Variants in PRDM4 observed in about 807,000 individuals in gnomAD.
PRDM4 encodes the protein PR/SET domain 4, also known as PR domain zinc finger protein 4.
In PRDM4, 38 loss-of-function variants were observed where a neutral mutation model predicts 62.3. That is an observed-to-expected ratio of 0.61 (90% CI 0.47 to 0.80). The LOEUF (loss-of-function observed/expected upper bound fraction) is 0.80. Ranked by LOEUF, PRDM4 falls within the 30% of genes least tolerant of loss-of-function variation. The pLI is 0.00. For synonymous variants in PRDM4, 339 were observed against 348.2 expected (o/e 0.97, Z 0.30); for missense variants, 858 against 997.1 (o/e 0.86, Z 1.88).
At chr12:107,751,272 A>G in intron 5 of PRDM4, 143 bp downstream of exon 5, 1 of 810,692 alleles carries the variant, frequency 1.2e-6, no homozygotes. Context: ...CATTAATATA[A>G]AGGACAATAC....
rs1890572706 is a variant in PRDM4 at position 107,743,088 on chromosome 12, C to A, written c.1481+109G>T. The A allele has an allele frequency of 9.1e-6, 8 of 878,678 alleles. No homozygotes were observed. The South Asian group carries it at 9.5e-5, about 10-fold the overall frequency. The allele number at this position is 878,678 out of a possible 1,614,324, so 54.4% of individuals were successfully genotyped here. ...GGCTGCCTTGGGCTTTAAGTATGTC[C>A]AGGTGTTGGTGTAATTTGGATTCTT... On this transcript the variant is annotated intron_variant, in intron 8 of 11. Coordinates refer to ENST00000228437, the MANE Select transcript of PRDM4 (RefSeq NM_012406.4).
rs777645035 is a variant in PRDM4, at chr12:107,734,486, C to G, written c.2130G>C (p.Leu710=). The change falls in exon 12 of 12, where the codon CTG becomes CTC. Residue 710 remains leucine, a synonymous_variant. Transcript: ENST00000228437. ...RQIKCPKCDK[L]FLRTNHLKKH... ...TCTTTAAGTGATTTGTTCTCAAGAA[C>G]AGCTTATCACACTTGGGACACTTGA... The G allele has an allele frequency of 6.2e-7, 1 of 1,614,054 alleles. No homozygotes were observed. The highest frequency in any genetic ancestry group is 8.5e-7 in the Non-Finnish European group (1 of 1,179,920).
At chr12:107,751,352 C>A in intron 5 of PRDM4, 63 bp downstream of exon 5, 2 of 1,487,864 alleles carry the variant, frequency 1.3e-6, no homozygotes, top group East Asian at 2.3e-5. Flanking sequence ...TACGACTTAA[C>A]TTGTTAGGGA....
intron 6 of PRDM4, among the ~76,000 whole-genome samples, chr12:107,746,043 T>C (rs987752764): frequency 2.0e-5 from 3 of 152,250 alleles, no homozygotes; most frequent in Non-Finnish European, 2.9e-5. Context: ...CTAGGATTTT[T>C]TGCTTTACTC....
intron 2 of PRDM4, 114 bp from the exon 3 acceptor site, chr12:107,757,079 T>C: frequency 9.6e-7 from 1 of 1,038,698 alleles, no homozygotes; most frequent in Non-Finnish European, 1.4e-6. Context: ...GGCCAACTAT[T>C]AGTTCACTTT....
At chr12:107,749,071 C>T (rs920160938) in intron 5 of PRDM4, among the ~76,000 whole-genome samples, 2 of 152,122 alleles carry the variant, frequency 1.3e-5, no homozygotes, top group African/African-American at 4.8e-5. Context: ...TTGATGCTCC[C>T]GTTGAGTCTA....
rs762901658 is a variant in PRDM4, at chr12:107,740,980, G to A, written c.1890C>T (p.Pro630=). ...TCTTGAGGTGGGTCCGCAGGTTGCT[G>A]GGATCACTAAAAGCCTTGCTACAGA... ...CDFCSKAFSD[P]SNLRTHLKIH... is the part of the protein sequence containing the mutation. Residue 630 remains proline, a synonymous_variant, in exon 10 of 12, where the codon CCC becomes CCT. Transcript: ENST00000228437. 1 of 1,614,078 alleles carries A rather than the reference G, an allele frequency of 6.2e-7. No homozygotes were observed. The highest frequency in any genetic ancestry group is 8.5e-7 in the Non-Finnish European group (1 of 1,179,972).
rs1429667637 is a variant in PRDM4, at chr12:107,734,218, G to A, written c.2398C>T (p.His800Tyr). ...GCTTGTTTCTTTTCCTTTTATTTAT[G>A]TGCAGAAAGAGACTCATCCGCTGAA... ...VYSADESLSAHK is the reference protein window; with the variant it reads ...VYSADESLSAYK The change falls in exon 12 of 12, where the codon CAT (histidine) becomes TAT (tyrosine). Residue 800 changes from histidine (H) to tyrosine (Y), a missense_variant. This residue lies in a region of PRDM4 where 355 missense variants were observed against 432.6 expected (regional missense o/e 0.82). Coordinates refer to ENST00000228437, the MANE Select transcript of PRDM4 (RefSeq NM_012406.4). 2.5e-6 allele frequency: 4 copies of A among 1,583,102 alleles called. No homozygotes were observed. The highest frequency in any genetic ancestry group is 2.6e-6 in the Non-Finnish European group (3 of 1,166,692).
rs887653524 is a variant in PRDM4, at chr12:107,733,847, C to T, written c.*363G>A. ...TTTAGAATGTTACCAAGTCACAGGACCAGCAGGAAAATGGAATAATGGAAG... is the reference window on the plus strand; with the variant it reads ...TTTAGAATGTTACCAAGTCACAGGATCAGCAGGAAAATGGAATAATGGAAG... On this transcript the variant is annotated 3_prime_UTR_variant, in exon 12 of 12. Coordinates refer to ENST00000228437, the MANE Select transcript of PRDM4 (RefSeq NM_012406.4). 4.4e-6 allele frequency: 1 copy of T among 225,660 alleles called. No homozygotes were observed. The highest frequency in any genetic ancestry group is 5.3e-5 in the Admixed American group (1 of 19,010). The allele number at this position is 225,660 out of a possible 1,614,324, so 14.0% of individuals were successfully genotyped here.
rs150983199 is a variant in PRDM4, at chr12:107,747,491, G to T, written c.1127-1067C>A. ...CAGCCTGCTCTTTCAAAGGGCAGAAGAATTGTATTCTTGCAGACATTATTT... is the reference window on the plus strand; with the variant it reads ...CAGCCTGCTCTTTCAAAGGGCAGAATAATTGTATTCTTGCAGACATTATTT... On this transcript the variant is annotated intron_variant, in intron 5 of 11. Transcript: ENST00000228437. Among the ~76,000 whole-genome samples the T allele has an allele frequency of 7.0e-3, 1,060 of 152,268 alleles. 13 individuals are homozygous for T. The highest frequency in any genetic ancestry group is 0.024 in the African/African-American group (993 of 41,554).
At chr12:107,738,878 A>AACACACAC (rs111582421) in intron 11 of PRDM4, among the ~76,000 whole-genome samples, 14 of 146,904 alleles carry the variant, frequency 9.5e-5, no homozygotes, top group African/African-American at 3.3e-4. Context: ...AATTCAGACA[A>AACACACAC]ACACACACAC....
chr12:107,760,643 C>G lies in PRDM4; in HGVS notation c.-128G>C. ...CGCTGCACCGACGCGGCCACTCGTC[C>G]CCGGGGTCGCCCGGGGCCGCCCAAC... On this transcript the variant is annotated 5_prime_UTR_variant, in exon 2 of 12. Coordinates refer to ENST00000228437, the MANE Select transcript of PRDM4 (RefSeq NM_012406.4). 2 of 1,167,022 alleles carry G rather than the reference C, an allele frequency of 1.7e-6. No individual in the cohort carries two copies. Among genetic ancestry groups the G allele is most frequent in the Non-Finnish European group, 2.4e-6 (2 of 835,378 alleles). 72.3% of individuals were successfully genotyped at this position (1,167,022 alleles called of 1,614,324 possible).
chr12:107,741,643 A>G (rs140122896), intron 9 of PRDM4, among the ~76,000 whole-genome samples: 2 of 152,302 alleles, frequency 1.3e-5, no homozygotes, highest in East Asian at 3.9e-4. Context: ...GCTTGAGCCC[A>G]GGAGTTGAAG....
chr12:107,754,224 T>C, intron 3 of PRDM4, 115 bp from the exon 4 acceptor site: 1 of 731,440 alleles, frequency 1.4e-6, no homozygotes, highest in Admixed American at 3.1e-5. Context: ...AAATCTCACC[T>C]ACTAGCCCTT....
In PRDM4 at chr12:107,741,076, A is replaced by T; in HGVS notation, c.1794T>A (p.Ala598=). Residue 598 remains alanine, a synonymous_variant, in exon 10 of 12, where the codon GCT becomes GCA. Transcript: ENST00000228437. The part of the protein sequence containing the change: ...RKWKCSMCPQ[A]FISPSKLHVH... ...CATGAAGTTTGGAAGGAGAGATAAA[A>T]GCTTGGGGGCACATTGAGCACTTCC... The T allele has an allele frequency of 6.2e-7, 1 of 1,614,120 alleles. No individual in the cohort carries two copies. The highest frequency in any genetic ancestry group is 2.2e-5 in the East Asian group (1 of 44,862).
At chr12:107,735,370 A>T (rs887385406) in intron 11 of PRDM4, among the ~76,000 whole-genome samples, 1 of 152,172 alleles carries the variant, frequency 6.6e-6, no homozygotes, top group Non-Finnish European at 1.5e-5. Context: ...GGAAGACTCA[A>T]ATTTGAAAAT....
Position 107,746,285 on chromosome 12 carries a change from T to TC in PRDM4, c.1265dup (p.Ala423SerfsTer39). ...TTCCAAGGTTCTTACCAACTTCTGC[T>TC]CCCACAATTGACTGACGGAGAACAA... On this transcript the variant is annotated frameshift_variant, in exon 6 of 12. Coordinates refer to ENST00000228437, the MANE Select transcript of PRDM4 (RefSeq NM_012406.4). LOFTEE classifies it high-confidence loss of function. The TC allele has an allele frequency of 6.2e-7, 1 of 1,614,022 alleles. No individual in the cohort carries two copies. Among genetic ancestry groups the TC allele is most frequent in the Non-Finnish European group, 8.5e-7 (1 of 1,179,970 alleles).
At chr12:107,743,026 C>G (rs1890570869) in intron 8 of PRDM4, among the ~76,000 whole-genome samples, 171 bp downstream of exon 8, 1 of 152,164 alleles carries the variant, frequency 6.6e-6, no homozygotes, top group Non-Finnish European at 1.5e-5. Flanking sequence ...CTCAGCCACC[C>G]CAAGTGCTGG....
At position 107,739,581 on chromosome 12, in the gene PRDM4, A is replaced by C. The variant is rs1890447151; in HGVS notation, c.1925-30T>G. On this transcript the variant is annotated intron_variant, in intron 10 of 11. Coordinates refer to ENST00000228437, the MANE Select transcript of PRDM4 (RefSeq NM_012406.4). ...AATCAGCCCAAAGTATTACACCGTG[A>C]AGAAAACAACTGCTGGCATCCCCAA... is the stretch of plus-strand genomic sequence containing the variant. 4 of 1,598,492 alleles carry C rather than the reference A, an allele frequency of 2.5e-6. No homozygotes were observed. In the South Asian group the frequency reaches 4.5e-5, roughly 18 times the overall value.
Sources: allele counts gnomAD v4.1 joint callset (sites outside exome capture counted in the v4.1 genomes callset), GRCh38; gene constraint gnomAD v4.1.1; regional missense constraint gnomAD v4.1.1; transcripts MANE v1.5; gene names NCBI Gene and HGNC (gene_info 2026-07-23, HGNC 2026-07-21).